The following PDE10A variants were observed in gnomAD, a reference collection of about 807,000 sequenced individuals.
PDE10A encodes the protein phosphodiesterase 10A.
In PDE10A, 39 loss-of-function variants were observed where a neutral mutation model predicts 97.7. The ratio of observed to expected loss-of-function variants is 0.40; its 90% CI spans 0.31 to 0.52. The LOEUF is 0.52. Ranked by LOEUF, PDE10A falls within the 20% of genes least tolerant of loss-of-function variation. PDE10A has a pLI of 0.56. For missense variants in PDE10A, 731 were observed against 1,047.8 expected (o/e 0.70, Z 4.17); for synonymous variants, 371 against 376.8 (o/e 0.98, Z 0.18).
At chr6:165,910,842 C>T (rs56380150) in intron 1 of PDE10A, 25,870 of 152,138 alleles carry the variant, frequency 0.17, 2,490 homozygotes, top group East Asian at 0.27. Context: ...TCATCGCAGC[C>T]ATTCCAAGCC....
At chr6:165,838,886 C>G (rs947226012) in intron 1 of PDE10A, among the ~76,000 whole-genome samples, 4 of 152,196 alleles carry the variant, frequency 2.6e-5, no homozygotes, top group Non-Finnish European at 5.9e-5. Flanking sequence ...TCCCTCTGCC[C>G]TTGTCCATTT....
chr6:165,734,995 A>T (rs1327112272), intron 1 of PDE10A, among the ~76,000 whole-genome samples: 2 of 145,090 alleles, frequency 1.4e-5, no homozygotes, highest in African/African-American at 5.6e-5. Context: ...GATAGATAGT[A>T]GGTAGGTAGG....
At chr6:165,842,917 T>C (rs1458948323) in intron 1 of PDE10A, among the ~76,000 whole-genome samples, 1 of 152,224 alleles carries the variant, frequency 6.6e-6, no homozygotes, top group Non-Finnish European at 1.5e-5. Context: ...TTCCACTTCC[T>C]CAATAAAACT....
intron 1 of PDE10A, among the ~76,000 whole-genome samples, chr6:165,565,667 C>A: frequency 6.6e-6 from 1 of 152,102 alleles, no homozygotes; most frequent in East Asian, 1.9e-4. Flanking sequence ...TGACAATACC[C>A]AACTTCAAGA....
chr6:165,534,851 G>T (rs1272566506), intron 2 of PDE10A, among the ~76,000 whole-genome samples: 1 of 151,976 alleles, frequency 6.6e-6, no homozygotes, highest in Admixed American at 6.6e-5. Flanking sequence ...ACACTGAACA[G>T]GGAAAAACTG....
chr6:165,516,056 T>C (rs1189144021), intron 2 of PDE10A, among the ~76,000 whole-genome samples: 1 of 152,152 alleles, frequency 6.6e-6, no homozygotes, highest in East Asian at 1.9e-4. Context: ...GCTTTAAGAA[T>C]TTATCTCATC....
intron 1 of PDE10A, among the ~76,000 whole-genome samples, chr6:165,619,427 G>C (rs1370170585): frequency 5.1e-5 from 5 of 98,182 alleles, no homozygotes; most frequent in Admixed American, 9.9e-5. Flanking sequence ...GTGTAGTGTA[G>C]TATAGTGTAG....
chr6:165,929,557 C>G (rs1026259276), intron 1 of PDE10A, among the ~76,000 whole-genome samples: 1 of 152,218 alleles, frequency 6.6e-6, no homozygotes, highest in Admixed American at 6.5e-5. Flanking sequence ...CCGCGACACC[C>G]TATGTGTCCC....
chr6:165,590,134 T>C (rs958301064), intron 1 of PDE10A, among the ~76,000 whole-genome samples: 1 of 152,202 alleles, frequency 6.6e-6, no homozygotes, highest in Non-Finnish European at 1.5e-5. Flanking sequence ...TTCAGGAGTG[T>C]TTATGAAGAC....
chr6:165,752,729 G>A (rs1033703522), intron 1 of PDE10A, among the ~76,000 whole-genome samples: 94 of 152,202 alleles, frequency 6.2e-4, no homozygotes, highest in African/African-American at 2.1e-3. Context: ...CCAGAATAAT[G>A]TCATATTGCA....
chr6:165,803,008 T>C (rs986383905), intron 1 of PDE10A, among the ~76,000 whole-genome samples: 6 of 152,220 alleles, frequency 3.9e-5, no homozygotes, highest in East Asian at 3.9e-4. Context: ...CTTTGTTTTA[T>C]GATGCAGATA....
At chr6:165,656,258 TCACACACACACA>T (rs3083000) in intron 1 of PDE10A, among the ~76,000 whole-genome samples, 135 of 129,902 alleles carry the variant, frequency 1.0e-3, no homozygotes, top group Non-Finnish European at 1.7e-3. Flanking sequence ...TCTCTCTCTC[TCACACACACACA>T]CACACACACA....
intron 1 of PDE10A, among the ~76,000 whole-genome samples, chr6:165,860,758 C>T (rs1403506888): frequency 6.6e-6 from 1 of 152,200 alleles, no homozygotes; most frequent in East Asian, 1.9e-4. Context: ...TGGGAAGAGG[C>T]TCCCTAATCA....
upstream of PDE10A, among the ~76,000 whole-genome samples, chr6:165,664,585 C>A (rs528447961): frequency 1.3e-5 from 2 of 152,292 alleles, no homozygotes; most frequent in African/African-American, 4.8e-5. Flanking sequence ...CTTAGGGGCG[C>A]TGCCCTTGTT....
In PDE10A at chr6:165,379,211, A is replaced by G. The variant is rs1306106753; in HGVS notation, c.2766T>C (p.Leu922=). 12 of 1,606,728 alleles carry G rather than the reference A, an allele frequency of 7.5e-6. No homozygotes were observed. Among genetic ancestry groups the G allele is most frequent in the Non-Finnish European group, 1.0e-5 (12 of 1,177,498 alleles). The part of the protein sequence containing the change: ...EEMYQTGSLN[L]NNQSHRDRVI... The stretch of plus-strand genomic sequence containing the variant: ...ATTTTTACCTATGTGATTGATTATT[A>G]AGGTTTAGTGATCCGGTCTGGTACA... The change falls in exon 18 of 22, where the codon CTT becomes CTC. Residue 922 remains leucine, a synonymous_variant. Coordinates refer to ENST00000539869, the MANE Select transcript of PDE10A (RefSeq NM_001385079.1).
intron 1 of PDE10A, among the ~76,000 whole-genome samples, chr6:165,678,653 T>A (rs1790892859): frequency 6.6e-6 from 1 of 152,140 alleles, no homozygotes; most frequent in Non-Finnish European, 1.5e-5. Flanking sequence ...CTGGCAGCAT[T>A]CATCTCAAGC....
At chr6:165,834,568 T>A (rs2128471662) in intron 1 of PDE10A, among the ~76,000 whole-genome samples, 1 of 152,282 alleles carries the variant, frequency 6.6e-6, no homozygotes, top group South Asian at 2.1e-4. Context: ...AGATCTGGAA[T>A]CCCAGCTCAA....
intron 12 of PDE10A, among the ~76,000 whole-genome samples, chr6:165,414,273 A>T (rs552562919): frequency 6.6e-4 from 100 of 152,320 alleles, no homozygotes; most frequent in African/African-American, 2.3e-3. Context: ...TGTGACAAGG[A>T]CATTAGTGCT....
chr6:165,665,504 T>A (rs749947156), upstream of PDE10A, among the ~76,000 whole-genome samples: 1 of 152,214 alleles, frequency 6.6e-6, no homozygotes, highest in Non-Finnish European at 1.5e-5. Flanking sequence ...TGCATTCTGA[T>A]AGTTCCCATA....
Sources: gnomAD v4.1 joint callset for allele counts (sites outside exome capture counted in the v4.1 genomes callset) on GRCh38, gnomAD v4.1.1 for gene constraint, MANE v1.5 for transcripts, NCBI Gene and HGNC (gene_info 2026-07-23, HGNC 2026-07-21) for gene names.